Variants in METTL15 observed in about 807,000 individuals in gnomAD.
METTL15 encodes the protein 12S rRNA N(4)-cytidine methyltransferase METTL15.
A neutral mutation model predicts 38.3 loss-of-function variants in METTL15; 34 were observed. That is an observed-to-expected ratio of 0.89 (90% CI 0.68 to 1.18). The LOEUF (loss-of-function observed/expected upper bound fraction) is 1.18. Ranked by LOEUF, METTL15 falls within the 50% of genes most tolerant of loss-of-function variation. METTL15 has a pLI of 0.00. For synonymous variants in METTL15, 162 were observed against 170.9 expected, an observed-to-expected ratio of 0.95 and a Z score of 0.41; for missense variants, 438 against 498.4, an observed-to-expected ratio of 0.88 and a Z score of 1.15.
chr11:28,507,417 A>G (rs1436882465), intron 6 of METTL15, among the ~76,000 whole-genome samples: 1 of 151,672 alleles, frequency 6.6e-6, no homozygotes, highest in African/African-American at 2.4e-5. Flanking sequence ...TAATCCCATC[A>G]CCTCCCACCA....
intron 5 of METTL15, among the ~76,000 whole-genome samples, chr11:28,375,723 T>C (rs1328477959): frequency 6.6e-6 from 1 of 152,126 alleles, no homozygotes; most frequent in Non-Finnish European, 1.5e-5. Context: ...TGAATGTGTG[T>C]GCTCTTGCTT....
intron 3 of METTL15, among the ~76,000 whole-genome samples, chr11:28,150,641 A>C (rs1254541182): frequency 2.0e-5 from 3 of 151,334 alleles, no homozygotes; most frequent in African/African-American, 7.3e-5. Context: ...TAGAAAAAAA[A>C]CCCCTAAAAT....
At chr11:28,469,752 G>A (rs1347801552) in intron 6 of METTL15, among the ~76,000 whole-genome samples, 1 of 152,050 alleles carries the variant, frequency 6.6e-6, no homozygotes, top group Non-Finnish European at 1.5e-5. Flanking sequence ...AAAGTATGAT[G>A]ATGTGCATTG....
intron 6 of METTL15, among the ~76,000 whole-genome samples, chr11:28,483,454 T>C (rs1226367627): frequency 1.3e-5 from 2 of 152,196 alleles, no homozygotes; most frequent in Non-Finnish European, 2.9e-5. Context: ...CAGGCAGACT[T>C]GGATTTCAAT....
At chr11:28,269,676 A>G (rs1388674150) in intron 4 of METTL15, among the ~76,000 whole-genome samples, 1 of 152,196 alleles carries the variant, frequency 6.6e-6, no homozygotes, top group African/African-American at 2.4e-5. Flanking sequence ...TTCTTTGGGA[A>G]TTCATAGGGG....
intron 3 of METTL15, among the ~76,000 whole-genome samples, chr11:28,147,894 T>G (rs1849942176): frequency 6.6e-6 from 1 of 151,876 alleles, no homozygotes; most frequent in Admixed American, 6.6e-5. Flanking sequence ...ACATTATGAA[T>G]GTGCCTGAGG....
intron 3 of METTL15, among the ~76,000 whole-genome samples, chr11:28,160,156 T>A (rs66702115): frequency 0.29 from 43,593 of 151,794 alleles, 7,057 homozygotes; most frequent in African/African-American, 0.43. Context: ...ACCTTGGACT[T>A]CGGACTCCGT....
intron 4 of METTL15, among the ~76,000 whole-genome samples, chr11:28,237,846 G>T (rs1381950821): frequency 1.3e-5 from 2 of 152,222 alleles, no homozygotes; most frequent in Non-Finnish European, 1.5e-5. Flanking sequence ...CTGCAGGTCT[G>T]TTGGAGTTTG....
chr11:28,399,432 T>C (rs1850608283), intron 5 of METTL15, among the ~76,000 whole-genome samples: 1 of 152,000 alleles, frequency 6.6e-6, no homozygotes, highest in South Asian at 2.1e-4. Context: ...AACTCTCCTT[T>C]CATCCTTTGC....
At chr11:28,221,409 C>T (rs1853214124) in intron 4 of METTL15, among the ~76,000 whole-genome samples, 1 of 152,170 alleles carries the variant, frequency 6.6e-6, no homozygotes. Context: ...TTTTCAGCTC[C>T]ATCAGGTTCT....
intron 6 of METTL15, among the ~76,000 whole-genome samples, chr11:28,430,287 C>T (rs1279139559): frequency 1.4e-5 from 2 of 140,098 alleles, no homozygotes; most frequent in African/African-American, 2.6e-5. Context: ...GGGGGTCAGC[C>T]CCCCCGCCCG....
intron 4 of METTL15, among the ~76,000 whole-genome samples, chr11:28,239,355 A>G (rs1029412656): frequency 6.6e-5 from 10 of 152,210 alleles, no homozygotes; most frequent in African/African-American, 1.9e-4. Flanking sequence ...AAAGCATACT[A>G]ATCCTTTTGA....
intron 6 of METTL15, among the ~76,000 whole-genome samples, chr11:28,499,164 T>TGAGA (rs1480688273): frequency 9.9e-5 from 15 of 152,188 alleles, no homozygotes; most frequent in African/African-American, 3.4e-4. Context: ...TCTGCTGGTC[T>TGAGA]CAAGCAGACC....
In METTL15 at chr11:28,290,216, C is replaced by T. The variant is rs778703181; in HGVS notation, c.418C>T (p.Arg140Ter). The change falls in exon 5 of 7, where the codon CGA becomes TGA. Residue 140 changes from arginine (R) to a stop codon, truncating the protein, a stop_gained. Transcript: ENST00000407364. LOFTEE classifies it high-confidence loss of function. Reference sequence around the variant, plus strand: ...TGGGTTTACTCACAGTAAACAAATCCGAGCTATGCTGGGCCAGTTCAGCCA... The same window carrying T: ...TGGGTTTACTCACAGTAAACAAATCTGAGCTATGCTGGGCCAGTTCAGCCA... ...HLSELYPKQI[R>*]AMLGQFSQAE... The T allele has an allele frequency of 1.4e-5, 23 of 1,607,932 alleles. No homozygotes were observed. The highest frequency in any genetic ancestry group is 1.7e-5 in the Admixed American group (1 of 59,072).
intron 3 of METTL15, among the ~76,000 whole-genome samples, chr11:28,338,804 T>C (rs1849924225): frequency 1.3e-5 from 2 of 152,234 alleles, no homozygotes; most frequent in South Asian, 2.1e-4. Flanking sequence ...GCTTTGGTAA[T>C]GACAAGATAA....
chr11:28,212,897 C>T (rs959265470), intron 4 of METTL15, among the ~76,000 whole-genome samples: 1 of 152,080 alleles, frequency 6.6e-6, no homozygotes, highest in Non-Finnish European at 1.5e-5. Flanking sequence ...GGCTCTTATT[C>T]CTTTAAACAC....
intron 5 of METTL15, among the ~76,000 whole-genome samples, chr11:28,392,180 A>T (rs2133394834): frequency 6.6e-6 from 1 of 152,328 alleles, no homozygotes; most frequent in East Asian, 1.9e-4. Flanking sequence ...TCTCAAAAGA[A>T]GACATTTATG....
intron 3 of METTL15, among the ~76,000 whole-genome samples, chr11:28,117,579 C>A (rs965488572): frequency 6.6e-6 from 1 of 152,114 alleles, no homozygotes; most frequent in Non-Finnish European, 1.5e-5. Flanking sequence ...TCATTCTGTT[C>A]AAGTACCTAC....
rs528191779 is a variant in METTL15, at chr11:28,381,216, C to G, written c.*358+19180C>G. On this transcript the variant is annotated intron_variant and NMD_transcript_variant, in intron 5 of 7. Transcript: ENST00000532947. ...GTCTTGTTATGCTGGCCAGGTTGGT[C>G]TTGAACTCCTGGCCTCAAGTGATCC... is the stretch of plus-strand genomic sequence containing the variant. 3.9e-5 allele frequency among the ~76,000 whole-genome samples: 6 copies of G among 152,226 alleles called. No homozygotes were observed. In the East Asian group the frequency reaches 7.7e-4, roughly 20 times the overall value.
Sources: gnomAD v4.1 joint callset for allele counts (sites outside exome capture counted in the v4.1 genomes callset) on GRCh38, gnomAD v4.1.1 for gene constraint, MANE v1.5 for transcripts, NCBI Gene and HGNC (gene_info 2026-07-23, HGNC 2026-07-21) for gene names.